TYMS: variants seen among roughly 807,000 people sequenced by gnomAD.
TYMS encodes thymidylate synthetase, also known as thymidylate synthase.
Under a neutral mutation model 39.3 loss-of-function variants are expected in TYMS, and 21 were observed. The ratio of observed to expected loss-of-function variants is 0.54; its 90% confidence interval spans 0.38 to 0.77. The LOEUF is 0.77. TYMS is among the 30% of genes least tolerant of loss of function. TYMS has a pLI of 0.00. For missense variants in TYMS, 273 were observed against 406.7 expected (o/e 0.67, Z 2.83); for synonymous variants, 171 against 162.2 (o/e 1.05, Z -0.41).
intron 3 of TYMS, among the ~76,000 whole-genome samples, chr18:666,726 T>C (rs1384599369): frequency 6.6e-6 from 1 of 152,254 alleles, no homozygotes; most frequent in African/African-American, 2.4e-5. Flanking sequence ...TGTTAAATGT[T>C]AGCAACTTCA....
Position 657,952 on chromosome 18 carries a change from C to A in TYMS, c.205+5C>A. 1 of 1,504,572 alleles carries A rather than the reference C, an allele frequency of 6.6e-7. No homozygotes were observed. Among genetic ancestry groups the A allele is most frequent in the South Asian group, 1.4e-5 (1 of 73,964 alleles). 93.2% of individuals were successfully genotyped at this position (1,504,572 alleles called of 1,614,324 possible). ...AGGCGCGCTACAGCCTGAGAGGTGA[C>A]GCCGCGGGCCCCTGCGGGACGGGTG... On this transcript the variant is annotated splice_donor_5th_base_variant and intron_variant, in intron 1 of 6. Transcript: ENST00000323274.
chr18:669,209 C>G, intron 4 of TYMS, 36 bp downstream of exon 4: 1 of 1,578,450 alleles, frequency 6.3e-7, no homozygotes, highest in Non-Finnish European at 8.7e-7. Context: ...TTATACTAAC[C>G]ATACTCTTAG....
At chr18:671,743 T>TTTAAC (rs1252095117) in intron 6 of TYMS, 14 of 401,738 alleles carry the variant, frequency 3.5e-5, no homozygotes, top group Middle Eastern at 6.7e-4. Context: ...TTTAACTCAT[T>TTTAAC]TTAACTTGAA....
At chr18:662,587 A>G (rs1443543570) in intron 3 of TYMS, among the ~76,000 whole-genome samples, 3 of 150,120 alleles carry the variant, frequency 2.0e-5, no homozygotes, top group East Asian at 3.9e-4. Flanking sequence ...ATATGTATAC[A>G]TGTGCCATGC....
Position 659,648 on chromosome 18 carries a change from C to T in TYMS, c.213C>T (p.Phe71=), listed in dbSNP as rs1386139292. 1 of 1,614,074 alleles carries T rather than the reference C, an allele frequency of 6.2e-7. No individual in the cohort carries two copies. The highest frequency in any genetic ancestry group is 1.3e-5 in the African/African-American group (1 of 75,066). Residue 71 remains phenylalanine (F), a synonymous_variant, in exon 2 of 7, where the codon TTC becomes TTT. Transcript: ENST00000323274. ...MQARYSLRDE[F]PLLTTKRVFW... ...TGGCAAATTGTTTTTCAGATGAATT[C>T]CCTCTGCTGACAACCAAACGTGTGT...
chr18:669,070 A>G lies in TYMS; in HGVS notation c.455-2A>G, dbSNP rs1370345258. On this transcript the variant is annotated splice_acceptor_variant, in intron 3 of 6. Transcript: ENST00000323274. LOFTEE classifies it high-confidence loss of function. ...TGTCCTCTCTTTTTGACAATTCTAC[A>G]GATTATTCAGGACAGGGAGTTGACC... 1.9e-6 allele frequency: 3 copies of G among 1,612,808 alleles called. No homozygotes were observed.
At chr18:663,821 A>G (rs1295202264) in intron 3 of TYMS, among the ~76,000 whole-genome samples, 1 of 103,066 alleles carries the variant, frequency 9.7e-6, no homozygotes, top group African/African-American at 5.7e-5. Context: ...AAGATCAGAT[A>G]GTTGTAGATA....
intron 4 of TYMS, 142 bp from the exon 5 acceptor site, chr18:670,550 T>C (rs979306544): frequency 3.6e-6 from 3 of 823,618 alleles, no homozygotes; most frequent in African/African-American, 3.4e-5. Flanking sequence ...GAGGCTGTTA[T>C]GGACATCACT....
At chr18:670,965 A>C in intron 5 of TYMS, 98 bp downstream of exon 5, 1 of 1,400,178 alleles carries the variant, frequency 7.1e-7, no homozygotes, top group Non-Finnish European at 9.7e-7. Flanking sequence ...GTCTCTGATT[A>C]GCTTTTAAAT....
In TYMS at chr18:667,535, TGATGGTGATGGTGATGGA is replaced by T. The variant is rs1567990900; in HGVS notation, c.455-1501_455-1484del. 1.7e-3 allele frequency among the ~76,000 whole-genome samples: 120 copies of T among 72,042 alleles called. 7 individuals carry two copies. The highest frequency in any genetic ancestry group is 5.8e-3 in the South Asian group (9 of 1,542). 47.3% of individuals were successfully genotyped at this position (72,042 alleles called of 152,430 possible). A position where few individuals can be genotyped will look rare whatever the true frequency, so the allele number is the denominator to read the frequency against. ...GTGATGGTGATGGTGATGGAGATGGTGATGGTGATGGTGATGGAGATGGTGATGGTGATGGAGATGGTG... is the reference window on the plus strand; with the variant it reads ...GTGATGGTGATGGTGATGGAGATGGTGATGGTGATGGTGATGGAGATGGTG... On this transcript the variant is annotated intron_variant, in intron 3 of 6. Coordinates refer to ENST00000323274, the MANE Select transcript of TYMS (RefSeq NM_001071.4).
In TYMS at chr18:658,898, T is replaced by C; in HGVS notation, c.206-743T>C. The C allele has an allele frequency of 6.2e-6, 1 of 160,978 alleles. No homozygotes were observed. Among genetic ancestry groups the C allele is most frequent in the Non-Finnish European group, 1.3e-5 (1 of 74,268 alleles). The allele number at this position is 160,978 out of a possible 1,614,324, so 10.0% of individuals were successfully genotyped here. On this transcript the variant is annotated intron_variant, in intron 1 of 6. Transcript: ENST00000323274. The surrounding 1 kb of genome is among the most constrained non-coding windows in gnomAD (Gnocchi z 4.5). ...AAAAGCCCTCCGGCCCACGGACCCATCTAGAGACGAATACATAGCAGCTGC... is the reference window on the plus strand; with the variant it reads ...AAAAGCCCTCCGGCCCACGGACCCACCTAGAGACGAATACATAGCAGCTGC...
Position 662,267 on chromosome 18 carries a change from T to A in TYMS, c.401T>A (p.Val134Asp), listed in dbSNP as rs201415512. The A allele has an allele frequency of 6.2e-7, 1 of 1,613,954 alleles. No individual in the cohort carries two copies. The highest frequency in any genetic ancestry group is 1.3e-5 in the African/African-American group (1 of 75,016). The change falls in exon 3 of 7, where the codon GTT (valine) becomes GAT (aspartate). Residue 134 changes from valine (V) to aspartate (D), a missense_variant. Physicochemically the swap from Val to Asp is radical, Grantham distance 152. Around this residue, in one of 3 missense-constraint regions of TYMS, gnomAD observed 228 missense variants for 326.1 expected, o/e 0.70. Coordinates refer to ENST00000323274, the MANE Select transcript of TYMS (RefSeq NM_001071.4). ...AGAGAAGAAGGGGACTTGGGCCCAG[T>A]TTATGGCTTCCAGTGGAGGCATTTT... Reference protein sequence around the residue: ...STREEGDLGPVYGFQWRHFGA... With the variant: ...STREEGDLGPDYGFQWRHFGA...
rs1170499848 is a variant in TYMS, at chr18:658,308, C to T, written c.205+361C>T. 1 of 1,384,454 alleles carries T rather than the reference C, an allele frequency of 7.2e-7. No homozygotes were observed. The highest frequency in any genetic ancestry group is 1.2e-5 in the South Asian group (1 of 81,698). The allele number at this position is 1,384,454 out of a possible 1,614,324, so 85.8% of individuals were successfully genotyped here. ...GAGCTGCCTGGGCTTGACCGCGCGC[C>T]GGTCTCAAAGTCCTGGCTTTGGCCC... On this transcript the variant is annotated intron_variant, in intron 1 of 6. Coordinates refer to ENST00000323274, the MANE Select transcript of TYMS (RefSeq NM_001071.4). This position sits in a 1 kb window ranked among gnomAD's most constrained non-coding sequence, Gnocchi z 4.5.
Position 673,122 on chromosome 18 carries a change from A to G in TYMS, c.*125A>G. The G allele has an allele frequency of 1.8e-6, 2 of 1,088,160 alleles. No homozygotes were observed. The highest frequency in any genetic ancestry group is 5.3e-5 in the South Asian group (2 of 37,454). 67.4% of individuals were successfully genotyped at this position (1,088,160 alleles called of 1,614,324 possible). ...GTCAAAAATCTGTCCGTGACCTATCAGTTATTAATTTTTAAGGATGTTGCC... is the reference window on the plus strand; with the variant it reads ...GTCAAAAATCTGTCCGTGACCTATCGGTTATTAATTTTTAAGGATGTTGCC... On this transcript the variant is annotated 3_prime_UTR_variant, in exon 7 of 7. Transcript: ENST00000323274.
chr18:667,131 AGATGGT>A (rs1179372941), intron 3 of TYMS, among the ~76,000 whole-genome samples: 1,519 of 34,632 alleles, frequency 0.044, 89 homozygotes, highest in Middle Eastern at 0.05. Context: ...ATGGTGATGG[AGATGGT>A]GATGGTGATG....
intron 6 of TYMS, 151 bp from the exon 7 acceptor site, chr18:672,709 T>A (rs909366189): frequency 3.1e-5 from 25 of 799,650 alleles, no homozygotes; most frequent in Non-Finnish European, 4.5e-5. Flanking sequence ...CCAATCATGT[T>A]ACATAACCTA....
Position 658,426 on chromosome 18 carries a change from A to G in TYMS, c.205+479A>G, listed in dbSNP as rs2074717566. 1 of 1,033,996 alleles carries G rather than the reference A, an allele frequency of 9.7e-7. No individual in the cohort carries two copies. Among genetic ancestry groups the G allele is most frequent in the Non-Finnish European group, 1.3e-6 (1 of 785,408 alleles). The allele number at this position is 1,033,996 out of a possible 1,614,324, so 64.1% of individuals were successfully genotyped here. On this transcript the variant is annotated intron_variant, in intron 1 of 6. Transcript: ENST00000323274. The surrounding 1 kb of genome is among the most constrained non-coding windows in gnomAD (Gnocchi z 4.5). ...TGGGCGGGGCAAAGGCGGCGGGAAGAGGAGAGCACTGAAGCTGGCGCGGGA... is the reference window on the plus strand; with the variant it reads ...TGGGCGGGGCAAAGGCGGCGGGAAGGGGAGAGCACTGAAGCTGGCGCGGGA...
At position 670,740 on chromosome 18, in the gene TYMS, A is replaced by G. The variant is rs746052476; in HGVS notation, c.605A>G (p.Tyr202Cys). ...CCATGCCATGCCCTCTGCCAGTTCT[A>G]TGTGGTGAACAGTGAGCTGTCCTGC... ...LPPCHALCQF[Y>C]VVNSELSCQL... The change falls in exon 5 of 7, where the codon TAT (tyrosine) becomes TGT (cysteine). Residue 202 changes from tyrosine (Y) to cysteine (C), a missense_variant. Tyr to Cys is a radical substitution (Grantham distance 194). Transcript: ENST00000323274. 3 of 1,613,888 alleles carry G rather than the reference A, an allele frequency of 1.9e-6. No individual in the cohort carries two copies. The highest frequency in any genetic ancestry group is 1.3e-5 in the African/African-American group (1 of 74,912).
At chr18:671,562 A>G (rs1178225459) in intron 6 of TYMS, 111 bp downstream of exon 6, 2 of 773,752 alleles carry the variant, frequency 2.6e-6, no homozygotes, top group Admixed American at 4.7e-5. Flanking sequence ...GACTGCTCCA[A>G]ATGTGGGGCT....
Sources: allele counts gnomAD v4.1 joint callset (sites outside exome capture counted in the v4.1 genomes callset), GRCh38; gene constraint gnomAD v4.1.1; regional missense constraint gnomAD v4.1.1; non-coding constraint Gnocchi (gnomAD v3.1); transcripts MANE v1.5; gene names NCBI Gene and HGNC (gene_info 2026-07-23, HGNC 2026-07-21).